PIGL: variants seen among roughly 807,000 people sequenced by gnomAD.
PIGL encodes the protein phosphatidylinositol glycan anchor biosynthesis class L.
Under a neutral mutation model 31.1 loss-of-function variants are expected in PIGL, and 22 were observed. The observed-to-expected ratio is 0.71, with a 90% CI of 0.51 to 1.01. PIGL has a LOEUF of 1.01. PIGL is among the 50% of genes least tolerant of loss of function. PIGL has a pLI of 0.00. For synonymous variants in PIGL, 131 were observed against 117.4 expected (o/e 1.12, Z -0.75); for missense variants, 302 against 315.9 (o/e 0.96, Z 0.33).
At chr17:16,301,146 A>AT (rs1004954343) in intron 3 of PIGL, among the ~76,000 whole-genome samples, 117 of 147,474 alleles carry the variant, frequency 7.9e-4, no homozygotes, top group African/African-American at 1.9e-3. Context: ...TTTTTTTTTA[A>AT]TTTTTTTTTT....
chr17:16,311,776 G>A (rs1483812930), intron 3 of PIGL, among the ~76,000 whole-genome samples: 1 of 151,946 alleles, frequency 6.6e-6, no homozygotes, highest in Non-Finnish European at 1.5e-5. Flanking sequence ...AGGGTTGGGG[G>A]TAAGGTCAGA....
chr17:16,319,457 TAA>T (rs2093093379), intron 6 of PIGL, among the ~76,000 whole-genome samples: 1 of 151,930 alleles, frequency 6.6e-6, no homozygotes, highest in African/African-American at 2.4e-5. Flanking sequence ...GGAGCCTCTG[TAA>T]AGAGCCTAGG....
At chr17:16,263,494 G>GT (rs1454573623) in intron 2 of PIGL, among the ~76,000 whole-genome samples, 2,505 of 149,980 alleles carry the variant, frequency 0.017, 69 homozygotes, top group African/African-American at 0.057. Context: ...TGTTTTATTG[G>GT]TTTTTTTTTG....
At chr17:16,309,314 GTCT>G (rs773104780) in intron 3 of PIGL, among the ~76,000 whole-genome samples, 6 of 152,168 alleles carry the variant, frequency 3.9e-5, no homozygotes, top group African/African-American at 1.4e-4. Flanking sequence ...AACTAGATTA[GTCT>G]TCTTCTAGGG....
chr17:16,240,847 G>A (rs901439986), intron 2 of PIGL, among the ~76,000 whole-genome samples: 4 of 145,230 alleles, frequency 2.8e-5, no homozygotes, highest in African/African-American at 1.1e-4. Context: ...GGTGGCTCAC[G>A]CCTCTAATCC....
At chr17:16,287,851 C>A (rs918259043) in intron 2 of PIGL, among the ~76,000 whole-genome samples, 1 of 152,146 alleles carries the variant, frequency 6.6e-6, no homozygotes, top group African/African-American at 2.4e-5. Context: ...ACAGAACTGC[C>A]GACCTCTTTC....
At chr17:16,294,670 A>C (rs761574550) in intron 2 of PIGL, among the ~76,000 whole-genome samples, 1 of 152,260 alleles carries the variant, frequency 6.6e-6, no homozygotes, top group East Asian at 1.9e-4. Context: ...CTCTATTCCA[A>C]TGGAAACTAC....
At chr17:16,232,808 AC>A (rs1402557499) in intron 1 of PIGL, among the ~76,000 whole-genome samples, 1 of 152,000 alleles carries the variant, frequency 6.6e-6, no homozygotes, top group Non-Finnish European at 1.5e-5. Flanking sequence ...TGAGGACAAT[AC>A]AAAACTAAAC....
chr17:16,291,150 T>A (rs1395182085), intron 2 of PIGL, among the ~76,000 whole-genome samples: 1 of 152,218 alleles, frequency 6.6e-6, no homozygotes, highest in Non-Finnish European at 1.5e-5. Context: ...CATTAGTGCT[T>A]GTATAAGTCC....
At chr17:16,270,227 T>A (rs937601276) in intron 2 of PIGL, among the ~76,000 whole-genome samples, 3 of 151,218 alleles carry the variant, frequency 2.0e-5, no homozygotes, top group Non-Finnish European at 4.4e-5. Flanking sequence ...AGGCGGAGGT[T>A]GCAGTGAGCC....
intron 1 of PIGL, 185 bp downstream of exon 1, chr17:16,217,646 A>ATAT: frequency 2.0e-6 from 1 of 511,610 alleles, no homozygotes; most frequent in Non-Finnish European, 3.4e-6. Context: ...GGGTTGGGGG[A>ATAT]CGTCGGCAGC....
chr17:16,269,885 T>C (rs111250320), intron 2 of PIGL, among the ~76,000 whole-genome samples: 1,765 of 152,204 alleles, frequency 0.012, 48 homozygotes, highest in African/African-American at 0.04. Flanking sequence ...ATTGCATCTT[T>C]CAAGTATTCA....
chr17:16,227,681 A>G (rs1600743697), intron 1 of PIGL, among the ~76,000 whole-genome samples: 1 of 149,270 alleles, frequency 6.7e-6, no homozygotes. Flanking sequence ...CCCAGGTTCA[A>G]GCGATTTTCC....
intron 2 of PIGL, among the ~76,000 whole-genome samples, chr17:16,276,709 C>G (rs1191700241): frequency 6.6e-6 from 1 of 152,006 alleles, no homozygotes; most frequent in Admixed American, 6.6e-5. Context: ...TGCACTCCAG[C>G]CTGGGTGACA....
chr17:16,249,510 G>A (rs1379131750), intron 2 of PIGL, among the ~76,000 whole-genome samples: 2 of 151,376 alleles, frequency 1.3e-5, no homozygotes, highest in African/African-American at 4.9e-5. Flanking sequence ...AAAACAAATA[G>A]GATTATAGAT....
intron 2 of PIGL, 154 bp downstream of exon 2, chr17:16,234,224 C>G (rs2092690649): frequency 1.2e-5 from 6 of 511,134 alleles, no homozygotes; most frequent in Admixed American, 9.7e-5. Flanking sequence ...AATCCCAGTA[C>G]TTTGGGAGGC....
At chr17:16,231,209 T>G in intron 1 of PIGL, among the ~76,000 whole-genome samples, 1 of 150,584 alleles carries the variant, frequency 6.6e-6, no homozygotes, top group African/African-American at 2.4e-5. Flanking sequence ...CACACCCAGC[T>G]TCTTACTGAT....
intron 2 of PIGL, among the ~76,000 whole-genome samples, chr17:16,257,439 A>G (rs1321514003): frequency 6.6e-6 from 1 of 151,962 alleles, no homozygotes; most frequent in South Asian, 2.1e-4. Flanking sequence ...AAACCCAAAC[A>G]AAAAGAACAC....
At chr17:16,254,691 G>A (rs1172305748) in intron 2 of PIGL, among the ~76,000 whole-genome samples, 1 of 151,848 alleles carries the variant, frequency 6.6e-6, no homozygotes, top group Admixed American at 6.6e-5. Flanking sequence ...TGCAAGCTTC[G>A]CCTCCCAGGT....
Sources: gnomAD v4.1 joint callset for allele counts (sites outside exome capture counted in the v4.1 genomes callset) on GRCh38, gnomAD v4.1.1 for gene constraint, MANE v1.5 for transcripts, NCBI Gene and HGNC (gene_info 2026-07-23, HGNC 2026-07-21) for gene names.